SAMHD1: variants seen among roughly 807,000 people sequenced by gnomAD.
SAMHD1 encodes the protein SAM and HD domain containing deoxynucleoside triphosphate triphosphohydrolase 1.
In SAMHD1, 54 loss-of-function variants were observed where a neutral mutation model predicts 79.6. The observed-to-expected ratio is 0.68, with a 90% confidence interval of 0.55 to 0.85. The LOEUF is 0.85. SAMHD1 is among the 40% of genes least tolerant of loss of function. SAMHD1 has a pLI of 0.00. For synonymous variants in SAMHD1, 260 were observed against 264.1 expected (o/e 0.98, Z 0.15); for missense variants, 663 against 782.7 (o/e 0.85, Z 1.82).
intron 12 of SAMHD1, 87 bp from the exon 13 acceptor site, chr20:36,904,336 C>A (rs1024675452): frequency 3.3e-5 from 29 of 885,948 alleles, no homozygotes; most frequent in Admixed American, 5.1e-5. Context: ...AAAATGGCAC[C>A]TAACTAAGAA....
At chr20:36,907,041 C>T (rs1043689087) in intron 11 of SAMHD1, among the ~76,000 whole-genome samples, 2 of 151,900 alleles carry the variant, frequency 1.3e-5, no homozygotes, top group Non-Finnish European at 2.9e-5. Flanking sequence ...ATCCACCCGC[C>T]TCAGCCTCCC....
chr20:36,904,614 G>A (rs1023430473), intron 12 of SAMHD1: 4 of 300,882 alleles, frequency 1.3e-5, no homozygotes, highest in Non-Finnish European at 2.6e-5. Context: ...CTACTCGGGA[G>A]GCTTAGGCTG....
chr20:36,951,258 C>T (rs555976046), intron 1 of SAMHD1, among the ~76,000 whole-genome samples, 178 bp downstream of exon 1: 30 of 152,338 alleles, frequency 2.0e-4, no homozygotes, highest in Middle Eastern at 3.4e-3. Flanking sequence ...GGGCTCCCTC[C>T]CCCGCCTCGG....
chr20:36,929,100 G>C (rs981132994), intron 5 of SAMHD1, among the ~76,000 whole-genome samples: 7 of 151,678 alleles, frequency 4.6e-5, no homozygotes, highest in East Asian at 1.9e-4. Context: ...GGAGAGGGAA[G>C]TCTACCTAGA....
chr20:36,938,069 G>T (rs2063616533), intron 3 of SAMHD1, among the ~76,000 whole-genome samples: 1 of 151,970 alleles, frequency 6.6e-6, no homozygotes, highest in Admixed American at 6.6e-5. Context: ...GTTTCACCAT[G>T]TTGCCCAGGC....
intron 15 of SAMHD1, chr20:36,893,397 G>A: frequency 2.5e-6 from 1 of 407,708 alleles, no homozygotes; most frequent in Non-Finnish European, 4.5e-6. Flanking sequence ...AGAAAGACGG[G>A]ATGCACTGAA....
rs560380515 is a variant in SAMHD1, at chr20:36,904,874, A to G, written c.1410+490T>C. On this transcript the variant is annotated intron_variant, in intron 12 of 15. Transcript: ENST00000646673. The stretch of plus-strand genomic sequence containing the variant: ...TGTGTTACGGCTTTCTGGCAAACAG[A>G]AAACTCTTCAACAAGTAGGAGGTGA... 34 of 182,396 alleles carry G rather than the reference A, an allele frequency of 1.9e-4. No homozygotes were observed. In the South Asian group the frequency reaches 3.6e-3, roughly 19 times the overall value. 11.3% of individuals were successfully genotyped at this position (182,396 alleles called of 1,614,324 possible). A position where few individuals can be genotyped will look rare whatever the true frequency, so the allele number is the denominator to read the frequency against.
chr20:36,904,950 A>G, intron 12 of SAMHD1: 1 of 221,354 alleles, frequency 4.5e-6, no homozygotes, highest in Non-Finnish European at 9.1e-6. Context: ...TGGGAGACTG[A>G]TATCCTGTGA....
intron 11 of SAMHD1, among the ~76,000 whole-genome samples, 160 bp from the exon 12 acceptor site, chr20:36,905,663 A>G (rs1469797157): frequency 6.6e-6 from 1 of 152,200 alleles, no homozygotes; most frequent in African/African-American, 2.4e-5. Flanking sequence ...ATTTAAGTGA[A>G]AAAACCTTTT....
In SAMHD1 at chr20:36,946,817, A is replaced by G. The variant is rs1398939120; in HGVS notation, c.209-13T>C. 6.2e-7 allele frequency: 1 copy of G among 1,602,312 alleles called. No individual in the cohort carries two copies. The highest frequency in any genetic ancestry group is 8.5e-7 in the Non-Finnish European group (1 of 1,170,972). On this transcript the variant is annotated splice_polypyrimidine_tract_variant and intron_variant, in intron 1 of 15. Coordinates refer to ENST00000646673, the MANE Select transcript of SAMHD1 (RefSeq NM_015474.4). ...GTGATTTCATTTTCTATGGAAGAAA[A>G]AAGACAAATTCAATGTATACAACAT...
intron 5 of SAMHD1, among the ~76,000 whole-genome samples, chr20:36,928,202 C>A (rs546204462): frequency 1.3e-5 from 2 of 148,404 alleles, no homozygotes; most frequent in Non-Finnish European, 3.0e-5. Context: ...GCCCGGCCAA[C>A]ATGGTAAAAA....
intron 10 of SAMHD1, 47 bp downstream of exon 10, chr20:36,912,414 A>C (rs745896099): frequency 1.7e-6 from 2 of 1,207,324 alleles, no homozygotes; most frequent in Non-Finnish European, 2.5e-6. Flanking sequence ...TACTCTAGCC[A>C]AGTATCAAGG....
At chr20:36,915,832 T>C (rs1333271989) in intron 9 of SAMHD1, among the ~76,000 whole-genome samples, 3 of 151,986 alleles carry the variant, frequency 2.0e-5, no homozygotes, top group African/African-American at 2.4e-5. Flanking sequence ...GTGTCAACTG[T>C]ATAAAATTTT....
chr20:36,940,993 A>G, intron 3 of SAMHD1, 46 bp downstream of exon 3: 2 of 1,368,370 alleles, frequency 1.5e-6, no homozygotes, highest in Non-Finnish European at 2.1e-6. Context: ...TAATTGAGTT[A>G]TATCACTTTA....
At chr20:36,939,263 AAAAAAAAAAAAAAAAAG>A (rs1282470250) in intron 3 of SAMHD1, among the ~76,000 whole-genome samples, 1 of 147,016 alleles carries the variant, frequency 6.8e-6, no homozygotes, top group African/African-American at 2.5e-5. Flanking sequence ...CAAAAAAAAA[AAAAAAAAAAAAAAAAAG>A]AAAAGAAAAG....
intron 15 of SAMHD1, 112 bp from the exon 16 acceptor site, chr20:36,893,178 C>T: frequency 7.4e-7 from 1 of 1,343,286 alleles, no homozygotes. Flanking sequence ...TAGATTGCTT[C>T]TAGCTGTCCT....
rs555304863 is a variant in SAMHD1 at position 36,937,877 on chromosome 20, A to G, written c.349-2688T>C. On this transcript the variant is annotated intron_variant, in intron 3 of 15. Transcript: ENST00000646673. Reference sequence around the variant, plus strand: ...GTTGGTTTGTTTTTTTTTTTTTTTGAGACAGGGTCTCACTCTGTTGCCCAG... The same window carrying G: ...GTTGGTTTGTTTTTTTTTTTTTTTGGGACAGGGTCTCACTCTGTTGCCCAG... Among the ~76,000 whole-genome samples, 442 of 123,822 alleles carry G rather than the reference A, an allele frequency of 3.6e-3. 6 individuals are homozygous for G. Among genetic ancestry groups the G allele is most frequent in the Admixed American group, 0.013 (149 of 11,658 alleles). 81.2% of individuals were successfully genotyped at this position (123,822 alleles called of 152,430 possible). A position where few individuals can be genotyped will look rare whatever the true frequency, so the allele number is the denominator to read the frequency against.
chr20:36,921,414 G>C (rs1347834374), intron 6 of SAMHD1, among the ~76,000 whole-genome samples: 3 of 97,758 alleles, frequency 3.1e-5, no homozygotes, highest in East Asian at 3.9e-4. Flanking sequence ...AAAAAAAAAC[G>C]AATTGAATCA....
At chr20:36,932,453 T>G in intron 4 of SAMHD1, among the ~76,000 whole-genome samples, 2 of 124,878 alleles carry the variant, frequency 1.6e-5, no homozygotes, top group East Asian at 2.6e-4. Context: ...TACAGTTTCG[T>G]GTTTTTTTTT....
Sources: gnomAD v4.1 joint callset for allele counts (sites outside exome capture counted in the v4.1 genomes callset) on GRCh38, gnomAD v4.1.1 for gene constraint, MANE v1.5 for transcripts, NCBI Gene and HGNC (gene_info 2026-07-23, HGNC 2026-07-21) for gene names.